SHTN1: variants seen among roughly 807,000 people sequenced by gnomAD.
The protein encoded by SHTN1 is shootin-1.
Under a neutral mutation model 83.1 loss-of-function variants are expected in SHTN1, and 42 were observed. The ratio of observed to expected loss-of-function variants is 0.51; its 90% CI spans 0.39 to 0.65. The LOEUF (loss-of-function observed/expected upper bound fraction) is 0.65, where lower values mean the gene tolerates loss of function less well. Ranked by LOEUF, SHTN1 falls within the 30% of genes least tolerant of loss-of-function variation. The pLI is 0.00. For missense variants in SHTN1, 622 were observed against 737.8 expected (o/e 0.84, Z 1.82); for synonymous variants, 224 against 247.7 (o/e 0.90, Z 0.90).
At chr10:117,017,579 T>C (rs576054053) in intron 2 of SHTN1, among the ~76,000 whole-genome samples, 194 of 151,676 alleles carry the variant, frequency 1.3e-3, no homozygotes, top group Non-Finnish European at 2.4e-3. Flanking sequence ...CATACTGATA[T>C]AAATAAATGA....
intron 16 of SHTN1, chr10:116,901,387 C>T (rs1444482128): frequency 2.0e-6 from 2 of 985,212 alleles, no homozygotes; most frequent in East Asian, 1.1e-4. Context: ...TCTAAGTAGT[C>T]TCTGAAAGAT....
At chr10:117,021,349 G>A (rs1196078696) in intron 2 of SHTN1, among the ~76,000 whole-genome samples, 1 of 152,158 alleles carries the variant, frequency 6.6e-6, no homozygotes, top group Non-Finnish European at 1.5e-5. Flanking sequence ...AGGTTGCAGT[G>A]AGCAGAGATC....
intron 2 of SHTN1, chr10:116,973,931 C>T (rs906905584): frequency 7.8e-7 from 1 of 1,277,092 alleles, no homozygotes; most frequent in African/African-American, 1.5e-5. Flanking sequence ...TCTACTGCTC[C>T]ACCTATGTAA....
At chr10:117,067,159 G>C (rs1589918311) in intron 1 of SHTN1, among the ~76,000 whole-genome samples, 1 of 151,980 alleles carries the variant, frequency 6.6e-6, no homozygotes, top group East Asian at 1.9e-4. Context: ...CCAGTATCAG[G>C]AGAAAAAGAA....
chr10:117,091,028 TAGC>T (rs1564956384), intron 1 of SHTN1, among the ~76,000 whole-genome samples: 1 of 152,158 alleles, frequency 6.6e-6, no homozygotes, highest in East Asian at 1.9e-4. Flanking sequence ...GTGTGTGTGG[TAGC>T]ACTAAATTAT....
intron 2 of SHTN1, among the ~76,000 whole-genome samples, chr10:117,045,778 T>A (rs1458979899): frequency 6.6e-6 from 1 of 152,136 alleles, no homozygotes; most frequent in Non-Finnish European, 1.5e-5. Context: ...AGAGTAAGCA[T>A]CACAACCAGA....
intron 2 of SHTN1, among the ~76,000 whole-genome samples, chr10:116,972,315 G>A (rs1396721660): frequency 6.6e-6 from 1 of 152,154 alleles, no homozygotes; most frequent in Non-Finnish European, 1.5e-5. Flanking sequence ...AGAACTGGCA[G>A]CCACAGAATT....
intron 1 of SHTN1, among the ~76,000 whole-genome samples, chr10:116,990,281 T>C (rs1383655415): frequency 1.4e-5 from 1 of 73,676 alleles, no homozygotes; most frequent in Non-Finnish European, 2.6e-5. Flanking sequence ...TTTTTCTTTT[T>C]TCTTTCTTTT....
In SHTN1 at chr10:116,915,459, C is replaced by T; in HGVS notation, c.1221G>A (p.Arg407=). The change falls in exon 13 of 17, where the codon AGG becomes AGA. Residue 407 remains arginine (R), a synonymous_variant. Transcript: ENST00000355371. Reference sequence around the variant, plus strand: ...TATCCATCATCTCTTCAACTGCTTGCCTCTTTAGATCTGTGACTTCTTCAG... The same window carrying T: ...TATCCATCATCTCTTCAACTGCTTGTCTCTTTAGATCTGTGACTTCTTCAG... ...ETTEEVTDLK[R]QAVEEMMDRI... 1 of 1,608,180 alleles carries T rather than the reference C, an allele frequency of 6.2e-7. No homozygotes were observed. Among genetic ancestry groups the T allele is most frequent in the Non-Finnish European group, 8.5e-7 (1 of 1,174,720 alleles).
upstream of SHTN1, chr10:117,005,451 C>T: frequency 9.5e-7 from 1 of 1,048,904 alleles, no homozygotes; most frequent in South Asian, 3.5e-5. Context: ...CCGCCTCCAC[C>T]TCCCGGACTC....
At chr10:116,906,869 T>C (rs1334251786) in intron 14 of SHTN1, 122 bp from the exon 15 acceptor site, 1 of 769,876 alleles carries the variant, frequency 1.3e-6, no homozygotes, top group African/African-American at 1.8e-5. Flanking sequence ...ACAAAATGAA[T>C]TTGCTATATA....
intron 1 of SHTN1, among the ~76,000 whole-genome samples, chr10:117,078,162 A>G (rs1365195508): frequency 5.3e-5 from 8 of 152,282 alleles, no homozygotes; most frequent in Non-Finnish European, 1.0e-4. Context: ...GACATTTTAA[A>G]CACATGGGAT....
intron 2 of SHTN1, chr10:116,973,951 GA>G: frequency 8.1e-7 from 1 of 1,241,668 alleles, no homozygotes; most frequent in Non-Finnish European, 1.0e-6. Context: ...AGTCTGGCCA[GA>G]ACTGTGCTTT....
At chr10:116,904,444 T>G (rs1456810366) in intron 15 of SHTN1, among the ~76,000 whole-genome samples, 5 of 152,138 alleles carry the variant, frequency 3.3e-5, no homozygotes, top group Non-Finnish European at 5.9e-5. Flanking sequence ...TTCCTTTTTT[T>G]TTTTTCTTTT....
chr10:117,113,366 G>A (rs780140628), intron 1 of SHTN1, among the ~76,000 whole-genome samples: 7 of 152,176 alleles, frequency 4.6e-5, no homozygotes, highest in Non-Finnish European at 7.3e-5. Flanking sequence ...CATGAGGAAT[G>A]AGCCTCTTGA....
chr10:117,044,227 T>G (rs1265954403), intron 2 of SHTN1, among the ~76,000 whole-genome samples: 1 of 152,174 alleles, frequency 6.6e-6, no homozygotes, highest in Non-Finnish European at 1.5e-5. Context: ...TAATACATAT[T>G]CTTATACACA....
At chr10:116,989,796 C>T (rs1279369978) in intron 1 of SHTN1, among the ~76,000 whole-genome samples, 1 of 152,200 alleles carries the variant, frequency 6.6e-6, no homozygotes, top group African/African-American at 2.4e-5. Context: ...AGTTACTTTT[C>T]GGCCTCGCGA....
Position 117,069,454 on chromosome 10 carries a change from G to T in SHTN1, c.-188-20944C>A, listed in dbSNP as rs59258687. Among the ~76,000 whole-genome samples the T allele has an allele frequency of 7.4e-3, 1,124 of 152,102 alleles. 15 individuals carry two copies. Among genetic ancestry groups the T allele is most frequent in the African/African-American group, 0.026 (1,064 of 41,496 alleles). On this transcript the variant is annotated intron_variant, in intron 1 of 17. Transcript: ENST00000392901. ...AGAATGTGGAACTGAGAAAGATTTT[G>T]GTTCATTAGATGGAAAAATACTTGA...
intron 15 of SHTN1, among the ~76,000 whole-genome samples, chr10:116,905,901 T>G (rs910431054): frequency 2.6e-5 from 4 of 152,178 alleles, no homozygotes; most frequent in Non-Finnish European, 5.9e-5. Context: ...ATGGGATACA[T>G]TTTGAGGCCT....
Sources: allele counts gnomAD v4.1 joint callset (sites outside exome capture counted in the v4.1 genomes callset), GRCh38; gene constraint gnomAD v4.1.1; transcripts MANE v1.5; gene names NCBI Gene and HGNC (gene_info 2026-07-23, HGNC 2026-07-21).